The following PITPNC1 variants were observed in gnomAD, a reference collection of about 807,000 sequenced individuals.
The protein encoded by PITPNC1 is phosphatidylinositol transfer protein cytoplasmic 1.
A neutral mutation model predicts 44.7 loss-of-function variants in PITPNC1; 18 were observed. The observed-to-expected ratio is 0.40, with a 90% CI of 0.28 to 0.60. The LOEUF (loss-of-function observed/expected upper bound fraction) is 0.60. Among genes scored for constraint, PITPNC1 ranks in the 20% least tolerant of loss-of-function variants. The pLI is 0.39. For missense variants in PITPNC1, 290 were observed against 418.4 expected (o/e 0.69, Z 2.68); for synonymous variants, 141 against 149.6 (o/e 0.94, Z 0.42).
At chr17:67,583,587 C>CA (rs34025821) in intron 5 of PITPNC1, among the ~76,000 whole-genome samples, 3,888 of 119,206 alleles carry the variant, frequency 0.033, 159 homozygotes, top group African/African-American at 0.1. Flanking sequence ...GACTCCTTCT[C>CA]AAAAAAAAAA....
At chr17:67,502,886 T>C (rs1392014192) in intron 1 of PITPNC1, among the ~76,000 whole-genome samples, 1 of 151,998 alleles carries the variant, frequency 6.6e-6, no homozygotes, top group Admixed American at 6.6e-5. Flanking sequence ...CTCCGCCTCC[T>C]GGGTTCAAGC....
rs1356057922 is a variant in PITPNC1, at chr17:67,378,128, C to T, written c.-27C>T. Reference sequence around the variant, plus strand: ...TCTTGGGGGCGCCCCCCGCTTCCCGCCCCGGGGGTCCGCGGCCGGCAGGAC... The same window carrying T: ...TCTTGGGGGCGCCCCCCGCTTCCCGTCCCGGGGGTCCGCGGCCGGCAGGAC... On this transcript the variant is annotated 5_prime_UTR_variant, in exon 1 of 9. Transcript: ENST00000581322. The T allele has an allele frequency of 1.3e-5, 20 of 1,520,136 alleles. No individual in the cohort carries two copies. The highest frequency in any genetic ancestry group is 1.7e-5 in the Non-Finnish European group (19 of 1,133,152). 94.2% of individuals were successfully genotyped at this position (1,520,136 alleles called of 1,614,324 possible). A position where few individuals can be genotyped will look rare whatever the true frequency, so the allele number is the denominator to read the frequency against.
intron 8 of PITPNC1, among the ~76,000 whole-genome samples, chr17:67,685,870 G>A (rs1204781494): frequency 5.9e-5 from 9 of 151,772 alleles, no homozygotes; most frequent in South Asian, 2.1e-4. Flanking sequence ...TCACTCTGTC[G>A]CCCAGGCTGG....
chr17:67,593,385 T>C lies in PITPNC1; in HGVS notation c.366+15128T>C, dbSNP rs537825316. Among the ~76,000 whole-genome samples, 15 of 152,072 alleles carry C rather than the reference T, an allele frequency of 9.9e-5. No homozygotes were observed. The East Asian group carries it at 2.9e-3, about 29-fold the overall frequency. On this transcript the variant is annotated intron_variant, in intron 5 of 8. Transcript: ENST00000581322. ...TGACTGGTGGGTAGTGGCTGTTTTT[T>C]GGCTTTTTGATTTTTTGTTTTGTTT...
chr17:67,438,377 T>C (rs540224130), intron 1 of PITPNC1, among the ~76,000 whole-genome samples: 37 of 150,286 alleles, frequency 2.5e-4, no homozygotes, highest in African/African-American at 8.8e-4. Flanking sequence ...AGTGCAGTGG[T>C]GTGATCTCCG....
chr17:67,536,048 T>G (rs1452149318), intron 2 of PITPNC1, among the ~76,000 whole-genome samples: 1 of 152,188 alleles, frequency 6.6e-6, no homozygotes, highest in Non-Finnish European at 1.5e-5. Context: ...AAGAGGAAAC[T>G]GAGCCCAGGA....
At chr17:67,623,750 A>G (rs1275201667) in intron 5 of PITPNC1, among the ~76,000 whole-genome samples, 5 of 152,228 alleles carry the variant, frequency 3.3e-5, no homozygotes, top group African/African-American at 1.2e-4. Context: ...GACATTTTTC[A>G]TCTAAGCCTG....
chr17:67,601,010 C>T (rs981618356), intron 5 of PITPNC1, among the ~76,000 whole-genome samples: 1 of 151,916 alleles, frequency 6.6e-6, no homozygotes, highest in Non-Finnish European at 1.5e-5. Flanking sequence ...CTCTAATATC[C>T]CTTGGATAAG....
At chr17:67,656,640 A>AATCTC (rs2144377337) in intron 6 of PITPNC1, among the ~76,000 whole-genome samples, 1 of 152,310 alleles carries the variant, frequency 6.6e-6, no homozygotes, top group South Asian at 2.1e-4. Context: ...AGGGGTTTCA[A>AATCTC]GACACGTAAT....
chr17:67,541,989 C>G (rs1014589368), intron 2 of PITPNC1, among the ~76,000 whole-genome samples: 2 of 152,114 alleles, frequency 1.3e-5, no homozygotes, highest in African/African-American at 4.8e-5. Context: ...ATCAGGGTGT[C>G]CTGAAGCAGA....
intron 4 of PITPNC1, among the ~76,000 whole-genome samples, chr17:67,562,144 G>T (rs540542982): frequency 1.3e-5 from 2 of 152,290 alleles, no homozygotes; most frequent in South Asian, 2.1e-4. Flanking sequence ...CATGTCTTCG[G>T]CTCTGTCTCC....
intron 5 of PITPNC1, among the ~76,000 whole-genome samples, chr17:67,631,846 A>ATT (rs928231927): frequency 7.1e-6 from 1 of 140,344 alleles, no homozygotes; most frequent in South Asian, 2.3e-4. Flanking sequence ...TTGGGAAGAG[A>ATT]TTTTTTTTTT....
chr17:67,565,433 CGGTGTGTATACTCATTTTCCATGGTTTTT>C (rs1568042778), intron 4 of PITPNC1, among the ~76,000 whole-genome samples: 1 of 147,938 alleles, frequency 6.8e-6, no homozygotes, highest in East Asian at 2.0e-4. Flanking sequence ...CCATGGTTTT[CGGTGTGTATACTCATTTTCCATGGTTTTT>C]GGTGTGTATA....
intron 6 of PITPNC1, among the ~76,000 whole-genome samples, chr17:67,650,441 C>CTTTTTTTTTTTT (rs34611864): frequency 5.6e-5 from 4 of 70,984 alleles, no homozygotes; most frequent in Non-Finnish European, 9.6e-5. Context: ...AAACCATAGG[C>CTTTTTTTTTTTT]TTTTTTTTTT....
intron 5 of PITPNC1, among the ~76,000 whole-genome samples, chr17:67,625,869 G>A (rs1408883968): frequency 6.6e-6 from 1 of 152,114 alleles, no homozygotes; most frequent in Non-Finnish European, 1.5e-5. Context: ...ATGATCAGAT[G>A]AAAGTGGTCG....
At chr17:67,383,273 C>T (rs1158489290) in intron 1 of PITPNC1, among the ~76,000 whole-genome samples, 2 of 152,112 alleles carry the variant, frequency 1.3e-5, no homozygotes, top group African/African-American at 2.4e-5. Flanking sequence ...AAGTCTAGAC[C>T]TGTAGTAGGT....
At chr17:67,509,599 T>TAAAAC (rs1555659962) in intron 1 of PITPNC1, among the ~76,000 whole-genome samples, 1 of 149,112 alleles carries the variant, frequency 6.7e-6, no homozygotes, top group Non-Finnish European at 1.5e-5. Flanking sequence ...AATAAATAAA[T>TAAAAC]AAAACGTGTT....
intron 1 of PITPNC1, among the ~76,000 whole-genome samples, chr17:67,517,878 A>T (rs2040277849): frequency 6.6e-6 from 1 of 152,210 alleles, no homozygotes; most frequent in Non-Finnish European, 1.5e-5. Context: ...CGAATTGCAT[A>T]TTTTTTTTAA....
chr17:67,415,239 T>C (rs1567981067), intron 1 of PITPNC1, among the ~76,000 whole-genome samples: 1 of 152,224 alleles, frequency 6.6e-6, no homozygotes, highest in Non-Finnish European at 1.5e-5. Context: ...TGTCAAATTC[T>C]ACCTACCCTT....
Sources: allele counts gnomAD v4.1 joint callset (sites outside exome capture counted in the v4.1 genomes callset), GRCh38; gene constraint gnomAD v4.1.1; transcripts MANE v1.5; gene names NCBI Gene and HGNC (gene_info 2026-07-23, HGNC 2026-07-21).